The following SPTLC2 variants were observed in gnomAD, a reference collection of about 807,000 sequenced individuals.
SPTLC2 encodes serine palmitoyltransferase 2.
In SPTLC2, 21 loss-of-function variants were observed where a neutral mutation model predicts 62.0. That is an observed-to-expected ratio of 0.34 (90% CI 0.24 to 0.49). SPTLC2 has a LOEUF of 0.49. Among genes scored for constraint, SPTLC2 ranks in the 20% least tolerant of loss-of-function variants. The pLI, the probability that SPTLC2 is intolerant of heterozygous loss-of-function variation, is 0.99. For synonymous variants in SPTLC2, 261 were observed against 261.8 expected, an observed-to-expected ratio of 1.00 and a Z score of 0.03; for missense variants, 511 against 713.0, an observed-to-expected ratio of 0.72 and a Z score of 3.23.
chr14:77,584,456 T>C (rs1452212887), intron 2 of SPTLC2, among the ~76,000 whole-genome samples: 1 of 152,228 alleles, frequency 6.6e-6, no homozygotes, highest in East Asian at 1.9e-4. Context: ...CATGCACACA[T>C]ATTTATATAC....
At chr14:77,599,848 C>A (rs1388392891) in intron 1 of SPTLC2, among the ~76,000 whole-genome samples, 1 of 152,042 alleles carries the variant, frequency 6.6e-6, no homozygotes, top group Non-Finnish European at 1.5e-5. Context: ...AAATGAAAAG[C>A]AATTTAAAAG....
At chr14:77,537,992 C>G (rs960937460) in intron 9 of SPTLC2, among the ~76,000 whole-genome samples, 2 of 152,160 alleles carry the variant, frequency 1.3e-5, no homozygotes, top group African/African-American at 4.8e-5. Context: ...ATCTTACTTC[C>G]CTTGTTGTTT....
In SPTLC2 at chr14:77,509,151, A is replaced by G. The variant is rs1363161964; in HGVS notation, c.*3133T>C. ...GAATGTTTACGATAGTGACTAAAGCACTACGATGGCTGGATTCTTCAAACA... is the reference window on the plus strand; with the variant it reads ...GAATGTTTACGATAGTGACTAAAGCGCTACGATGGCTGGATTCTTCAAACA... On this transcript the variant is annotated 3_prime_UTR_variant, in exon 12 of 12. Transcript: ENST00000216484. 6.6e-6 allele frequency: 1 copy of G among 152,200 alleles called. No homozygotes were observed. The highest frequency in any genetic ancestry group is 2.4e-5 in the African/African-American group (1 of 41,450). 9.4% of individuals were successfully genotyped at this position (152,200 alleles called of 1,614,324 possible).
intron 11 of SPTLC2, among the ~76,000 whole-genome samples, chr14:77,516,710 A>G (rs1158130040): frequency 6.6e-6 from 1 of 152,206 alleles, no homozygotes. Context: ...ATATGCTCAC[A>G]ACACTGTGCC....
chr14:77,535,682 T>G, intron 9 of SPTLC2: 1 of 245,220 alleles, frequency 4.1e-6, no homozygotes, highest in Non-Finnish European at 8.0e-6. Context: ...AGAAAAGGGG[T>G]CGTGGACTCA....
At chr14:77,512,830 C>T (rs938119735) in intron 11 of SPTLC2, among the ~76,000 whole-genome samples, 4 of 151,814 alleles carry the variant, frequency 2.6e-5, no homozygotes, top group Admixed American at 1.3e-4. Flanking sequence ...ATTCTCCTGC[C>T]ACAGCCTCCC....
rs771571719 is a variant in SPTLC2, at chr14:77,512,275, C to T, written c.*9G>A. The T allele has an allele frequency of 2.5e-6, 4 of 1,613,614 alleles. No homozygotes were observed. The highest frequency in any genetic ancestry group is 1.1e-5 in the South Asian group (1 of 91,046). ...AGGGAGAGTTCCTCTGAGGGAGCACCAAAAAGGCTCAGTCTTCTGTTTCTT... is the reference window on the plus strand; with the variant it reads ...AGGGAGAGTTCCTCTGAGGGAGCACTAAAAAGGCTCAGTCTTCTGTTTCTT... On this transcript the variant is annotated 3_prime_UTR_variant, in exon 12 of 12. Coordinates refer to ENST00000216484, the MANE Select transcript of SPTLC2 (RefSeq NM_004863.4).
rs145666642 is a variant in SPTLC2, at chr14:77,604,364, C to T, written c.133-6984G>A. 2.6e-5 allele frequency among the ~76,000 whole-genome samples: 4 copies of T among 152,240 alleles called. No individual in the cohort carries two copies. In the East Asian group the frequency reaches 7.7e-4, roughly 29 times the overall value. On this transcript the variant is annotated intron_variant, in intron 1 of 11. Transcript: ENST00000216484. ...TTTCTGAGACTTGTTCAATTTCATC[C>T]CCCATCCCATTTTTGTATACCTATC...
At chr14:77,517,870 G>GGT (rs771162033) in intron 11 of SPTLC2, among the ~76,000 whole-genome samples, 168 bp downstream of exon 11, 1 of 152,158 alleles carries the variant, frequency 6.6e-6, no homozygotes, top group Non-Finnish European at 1.5e-5. Flanking sequence ...ATGCAGGTGT[G>GGT]GTGGGTGACA....
intron 6 of SPTLC2, among the ~76,000 whole-genome samples, chr14:77,558,200 A>G (rs2079595418): frequency 1.3e-5 from 2 of 152,074 alleles, no homozygotes; most frequent in Non-Finnish European, 2.9e-5. Context: ...AGCACCCGCC[A>G]TCACGCCAGG....
At chr14:77,547,412 G>A (rs984871707) in intron 9 of SPTLC2, among the ~76,000 whole-genome samples, 6 of 152,168 alleles carry the variant, frequency 3.9e-5, no homozygotes, top group African/African-American at 1.2e-4. Context: ...CAGGAAGTAT[G>A]GTGCTTGACG....
In SPTLC2 at chr14:77,611,206, G is replaced by A. The variant is rs567078210; in HGVS notation, c.132+5242C>T. Among the ~76,000 whole-genome samples the A allele has an allele frequency of 1.1e-4, 16 of 151,650 alleles. No individual in the cohort carries two copies. The South Asian group carries it at 2.9e-3, about 28-fold the overall frequency. ...TAGTCCCAGCTACTCGGGAGGCTGAGGCAGGAGAATGGTGTGAACCTGGGA... is the reference window on the plus strand; with the variant it reads ...TAGTCCCAGCTACTCGGGAGGCTGAAGCAGGAGAATGGTGTGAACCTGGGA... On this transcript the variant is annotated intron_variant, in intron 1 of 11. Coordinates refer to ENST00000216484, the MANE Select transcript of SPTLC2 (RefSeq NM_004863.4).
chr14:77,570,953 A>G (rs1457391935), intron 4 of SPTLC2, among the ~76,000 whole-genome samples: 1 of 152,162 alleles, frequency 6.6e-6, no homozygotes, highest in South Asian at 2.1e-4. Context: ...AGAAAGACGT[A>G]AGGAGAGGGG....
intron 11 of SPTLC2, among the ~76,000 whole-genome samples, chr14:77,513,867 C>A (rs571238590): frequency 2.1e-5 from 3 of 144,172 alleles, no homozygotes; most frequent in South Asian, 2.2e-4. Context: ...TGCCCTCCAG[C>A]CTGGGCAACA....
intron 2 of SPTLC2, among the ~76,000 whole-genome samples, chr14:77,594,070 C>T (rs2079833231): frequency 6.6e-6 from 1 of 152,144 alleles, no homozygotes; most frequent in Non-Finnish European, 1.5e-5. Flanking sequence ...GAGGCAAATG[C>T]TCTCCTCAGC....
chr14:77,546,730 T>C (rs542946322), intron 9 of SPTLC2, among the ~76,000 whole-genome samples: 12 of 99,744 alleles, frequency 1.2e-4, no homozygotes, highest in African/African-American at 3.2e-4. Context: ...GTTTAACAAA[T>C]GGTAAAACAC....
At chr14:77,556,768 C>A (rs1010287261) in intron 7 of SPTLC2, among the ~76,000 whole-genome samples, 3 of 152,018 alleles carry the variant, frequency 2.0e-5, no homozygotes, top group South Asian at 4.2e-4. Flanking sequence ...CAATTCTTGC[C>A]CCTACATATA....
At chr14:77,538,489 A>G (rs1283618820) in intron 9 of SPTLC2, among the ~76,000 whole-genome samples, 1 of 152,266 alleles carries the variant, frequency 6.6e-6, no homozygotes, top group Non-Finnish European at 1.5e-5. Context: ...CAAAGCAGTA[A>G]TGCAGGTCTC....
At chr14:77,534,815 A>G (rs1272986275) in intron 9 of SPTLC2, among the ~76,000 whole-genome samples, 1 of 152,202 alleles carries the variant, frequency 6.6e-6, no homozygotes. Flanking sequence ...CAAATGAAAC[A>G]GACAAAACTC....
Sources: allele counts gnomAD v4.1 joint callset (sites outside exome capture counted in the v4.1 genomes callset), GRCh38; gene constraint gnomAD v4.1.1; transcripts MANE v1.5; gene names NCBI Gene and HGNC (gene_info 2026-07-23, HGNC 2026-07-21).